The following DLG2 variants were observed in gnomAD, a reference collection of about 807,000 sequenced individuals.
The protein encoded by DLG2 is discs large MAGUK scaffold protein 2, also known as disks large homolog 2.
In DLG2, 45 loss-of-function variants were observed where a neutral mutation model predicts 132.5. The observed-to-expected ratio is 0.34, with a 90% CI of 0.27 to 0.44. The LOEUF is 0.44. Ranked by LOEUF, DLG2 falls within the 20% of genes least tolerant of loss-of-function variation. The pLI is 1.00. For missense variants in DLG2, 1,045 were observed against 1,196.9 expected, an observed-to-expected ratio of 0.87 and a Z score of 1.87; for synonymous variants, 424 against 419.6, an observed-to-expected ratio of 1.01 and a Z score of -0.13.
intron 6 of DLG2, among the ~76,000 whole-genome samples, chr11:84,736,239 T>C (rs1028555088): frequency 3.9e-5 from 6 of 152,020 alleles, no homozygotes; most frequent in Non-Finnish European, 8.8e-5. Context: ...TGTTTTGCCA[T>C]CTTTCCACCA....
At chr11:84,320,419 T>G (rs569039948) in intron 7 of DLG2, among the ~76,000 whole-genome samples, 144 of 152,116 alleles carry the variant, frequency 9.5e-4, no homozygotes, top group South Asian at 2.5e-3. Context: ...TGCTAAAGAG[T>G]GACTGGTGAC....
At chr11:85,108,015 C>CACACAA (rs1555371791) in intron 6 of DLG2, among the ~76,000 whole-genome samples, 1 of 142,830 alleles carries the variant, frequency 7.0e-6, no homozygotes, top group East Asian at 2.1e-4. Flanking sequence ...TAAACACACA[C>CACACAA]ACACACACAC....
chr11:85,232,625 G>C (rs2075360943), intron 4 of DLG2, among the ~76,000 whole-genome samples: 1 of 151,750 alleles, frequency 6.6e-6, no homozygotes, highest in African/African-American at 2.4e-5. Context: ...TTCTTTCTTT[G>C]TTTTTCTCTC....
chr11:84,690,324 G>A (rs2057881046), intron 6 of DLG2, among the ~76,000 whole-genome samples: 1 of 151,726 alleles, frequency 6.6e-6, no homozygotes, highest in Non-Finnish European at 1.5e-5. Context: ...GGATGGATAT[G>A]TTATTTAACA....
chr11:83,485,176 A>G (rs2093423591), intron 21 of DLG2, among the ~76,000 whole-genome samples: 1 of 152,180 alleles, frequency 6.6e-6, no homozygotes, highest in Admixed American at 6.6e-5. Context: ...CCATTAGCTT[A>G]AATGAGGCTG....
intron 7 of DLG2, among the ~76,000 whole-genome samples, chr11:84,459,521 G>T (rs985144021): frequency 6.6e-6 from 1 of 150,462 alleles, no homozygotes; most frequent in African/African-American, 2.4e-5. Flanking sequence ...GGTTGTTTCT[G>T]AAAAAATTAA....
intron 3 of DLG2, among the ~76,000 whole-genome samples, chr11:85,387,509 G>A (rs2086444504): frequency 6.6e-6 from 1 of 152,184 alleles, no homozygotes; most frequent in Non-Finnish European, 1.5e-5. Context: ...TAAGTTTGAG[G>A]AAGGGCCACA....
chr11:84,298,763 A>G (rs2154380245), intron 7 of DLG2, among the ~76,000 whole-genome samples: 1 of 152,316 alleles, frequency 6.6e-6, no homozygotes, highest in East Asian at 1.9e-4. Context: ...ACAGAAATAG[A>G]GTCATTACAG....
chr11:84,151,134 G>C (rs2095279604), intron 9 of DLG2, among the ~76,000 whole-genome samples: 1 of 151,880 alleles, frequency 6.6e-6, no homozygotes, highest in African/African-American at 2.4e-5. Context: ...GAATGGGTTA[G>C]GGAGGGGTCC....
intron 19 of DLG2, among the ~76,000 whole-genome samples, chr11:83,574,055 G>T (rs961251209): frequency 6.6e-6 from 1 of 152,100 alleles, no homozygotes; most frequent in African/African-American, 2.4e-5. Context: ...TTCAGAGCCT[G>T]GCACATAATA....
rs182666466 is a variant in DLG2 at position 85,335,850 on chromosome 11, C to T, written c.41-50485G>A. ...TAGGAGAAATACCTAATGTAGATGA[C>T]GAGTTAATGGGTGCAGCAAACCACC... On this transcript the variant is annotated intron_variant, in intron 3 of 27. Transcript: ENST00000376104. Among the ~76,000 whole-genome samples, 20 of 152,078 alleles carry T rather than the reference C, an allele frequency of 1.3e-4. No individual in the cohort carries two copies. The East Asian group carries it at 1.7e-3, about 13-fold the overall frequency.
At chr11:84,733,992 C>T (rs188724814) in intron 6 of DLG2, among the ~76,000 whole-genome samples, 12 of 151,994 alleles carry the variant, frequency 7.9e-5, no homozygotes, top group African/African-American at 1.9e-4. Flanking sequence ...GTTCCATTGG[C>T]CTATATCTCT....
intron 3 of DLG2, among the ~76,000 whole-genome samples, chr11:85,492,244 T>C (rs1008945060): frequency 3.3e-5 from 5 of 152,198 alleles, no homozygotes; most frequent in African/African-American, 7.2e-5. Flanking sequence ...GGTGCAAAAG[T>C]AATTGCAGCA....
chr11:85,113,708 A>G (rs1446916275), intron 5 of DLG2, among the ~76,000 whole-genome samples: 1 of 152,040 alleles, frequency 6.6e-6, no homozygotes, highest in Non-Finnish European at 1.5e-5. Flanking sequence ...AACACTTTAG[A>G]CCACACTTTT....
intron 21 of DLG2, chr11:83,486,271 AATCATGTAAGAAT>A: frequency 1.4e-6 from 1 of 690,838 alleles, no homozygotes; most frequent in South Asian, 1.5e-5. Flanking sequence ...AAAGAAAAAA[AATCATGTAAGAAT>A]TAATGGCATG....
At chr11:84,389,401 C>T (rs1278838220) in intron 7 of DLG2, among the ~76,000 whole-genome samples, 4 of 151,934 alleles carry the variant, frequency 2.6e-5, no homozygotes, top group Non-Finnish European at 4.4e-5. Context: ...TACCAAAATG[C>T]TGAATTCAGA....
intron 3 of DLG2, among the ~76,000 whole-genome samples, chr11:85,472,950 G>T (rs1173155120): frequency 2.0e-5 from 3 of 152,220 alleles, no homozygotes; most frequent in African/African-American, 7.2e-5. Context: ...AGACCTCAGG[G>T]CTCCTCAGGC....
At chr11:84,116,015 G>A (rs2093617315) in intron 9 of DLG2, among the ~76,000 whole-genome samples, 1 of 152,172 alleles carries the variant, frequency 6.6e-6, no homozygotes, top group Admixed American at 6.5e-5. Context: ...AGTGAAAAGT[G>A]TATAAGTTTT....
At chr11:84,370,343 A>G (rs1294451034) in intron 7 of DLG2, among the ~76,000 whole-genome samples, 1 of 152,158 alleles carries the variant, frequency 6.6e-6, no homozygotes, top group Non-Finnish European at 1.5e-5. Flanking sequence ...CTATGTAATT[A>G]CACCTTTAAA....
Sources: gnomAD v4.1 joint callset for allele counts (sites outside exome capture counted in the v4.1 genomes callset) on GRCh38, gnomAD v4.1.1 for gene constraint, MANE v1.5 for transcripts, NCBI Gene and HGNC (gene_info 2026-07-23, HGNC 2026-07-21) for gene names.